The following SRRT variants were observed in gnomAD, a reference collection of about 807,000 sequenced individuals.
SRRT encodes the protein serrate, RNA effector molecule, also known as serrate RNA effector molecule homolog.
In SRRT, 32 loss-of-function variants were observed where a neutral mutation model predicts 103.2. That is an observed-to-expected ratio of 0.31 (90% CI 0.23 to 0.42). The LOEUF (loss-of-function observed/expected upper bound fraction) is 0.42. Among genes scored for constraint, SRRT ranks in the 10% least tolerant of loss-of-function variants. The pLI, the probability that SRRT is intolerant of heterozygous loss-of-function variation, is 1.00. For synonymous variants in SRRT, 525 were observed against 449.0 expected (o/e 1.17, Z -2.14); for missense variants, 986 against 1,207.5 (o/e 0.82, Z 2.72).
chr7:100,884,868 G>A (rs746652112), intron 8 of SRRT, 30 bp downstream of exon 8: 1 of 1,613,722 alleles, frequency 6.2e-7, no homozygotes. Context: ...GGGTCAGAGT[G>A]TTGGGGCTGG....
rs1563021252 is a variant in SRRT at position 100,885,231 on chromosome 7, AGGAGAAGCCCAAGGAAGAAGAATG to A, written c.1194_1217del (p.Glu398_Lys405del). On this transcript the variant is annotated inframe_deletion, in exon 10 of 20. Coordinates refer to ENST00000611405, the MANE Select transcript of SRRT (RefSeq NM_015908.6). This position sits in a 1 kb window ranked among gnomAD's most constrained non-coding sequence, Gnocchi z 4.8. ...TGCCTAGAAGAAGCGCTCAAGGAGA[AGGAGAAGCCCAAGGAAGAAGAATG>A]GGAGAAGCCCAAGGACGCCGCGGGG... The A allele has an allele frequency of 1.4e-5, 22 of 1,613,906 alleles. No homozygotes were observed. The highest frequency in any genetic ancestry group is 1.7e-5 in the Non-Finnish European group (20 of 1,179,982).
chr7:100,875,520 C>G, intron 1 of SRRT, 53 bp from the exon 2 acceptor site: 2 of 1,601,582 alleles, frequency 1.2e-6, no homozygotes, highest in Non-Finnish European at 1.7e-6. Flanking sequence ...GGGACGGTCC[C>G]TTCCTCCGCT....
chr7:100,875,354 G>T lies in SRRT; in HGVS notation c.-19+26G>T, dbSNP rs535340918. The stretch of plus-strand genomic sequence containing the variant: ...GTGGGGGAGGGGAGGAGCCTGGGGG[G>T]CCCCGCTGGGGCGGGAGAGGAACCG... On this transcript the variant is annotated intron_variant, in intron 1 of 19. Coordinates refer to ENST00000611405, the MANE Select transcript of SRRT (RefSeq NM_015908.6). 3.3e-4 allele frequency: 424 copies of T among 1,279,636 alleles called. 3 individuals are homozygous for T. The African/African-American group carries it at 6.1e-3, about 18-fold the overall frequency. The allele number at this position is 1,279,636 out of a possible 1,614,324, so 79.3% of individuals were successfully genotyped here.
Position 100,885,979 on chromosome 7 carries a change from G to A in SRRT, c.1458+38G>A, listed in dbSNP as rs954056235. The stretch of plus-strand genomic sequence containing the variant: ...GGTGGGACTGTGGGGAAGAGGAAGG[G>A]AGACTCTGTGCCACACGGGACCTCT... On this transcript the variant is annotated intron_variant, in intron 12 of 19. Coordinates refer to ENST00000611405, the MANE Select transcript of SRRT (RefSeq NM_015908.6). This position sits in a 1 kb window ranked among gnomAD's most constrained non-coding sequence, Gnocchi z 4.8. The A allele has an allele frequency of 1.6e-5, 25 of 1,602,852 alleles. No individual in the cohort carries two copies. Among genetic ancestry groups the A allele is most frequent in the Non-Finnish European group, 2.1e-5 (24 of 1,170,690 alleles).
chr7:100,885,795 C>T lies in SRRT; in HGVS notation c.1379+33C>T, dbSNP rs1343653179. 8.1e-6 allele frequency: 13 copies of T among 1,613,400 alleles called. No homozygotes were observed. Among genetic ancestry groups the T allele is most frequent in the Non-Finnish European group, 1.1e-5 (13 of 1,179,464 alleles). On this transcript the variant is annotated intron_variant, in intron 11 of 19. Transcript: ENST00000611405. This position sits in a 1 kb window ranked among gnomAD's most constrained non-coding sequence, Gnocchi z 4.8. ...ACTCGGTGCGTTGGAGGGAAAAGTGCAGGGGAACGTTAATGGCCAACACCA... is the reference window on the plus strand; with the variant it reads ...ACTCGGTGCGTTGGAGGGAAAAGTGTAGGGGAACGTTAATGGCCAACACCA...
rs1171751133 is a variant in SRRT, at chr7:100,888,483, T to A, written c.2565T>A (p.Arg855=). 1 of 1,614,128 alleles carries A rather than the reference T, an allele frequency of 6.2e-7. No individual in the cohort carries two copies. The highest frequency in any genetic ancestry group is 8.5e-7 in the Non-Finnish European group (1 of 1,179,996). ...ACCTCTCACCTCACAGGATGGTTCG[T>A]GGAGACCCAAGGGCCATTGTGGAAT... ...YPGKPRNRMV[R]GDPRAIVEYR... is the part of the protein sequence containing the mutation. The change falls in exon 20 of 20, where the codon CGT becomes CGA. Residue 855 remains arginine, a synonymous_variant. Transcript: ENST00000611405.
In SRRT at chr7:100,885,760, G is replaced by A; in HGVS notation, c.1377G>A (p.Arg459=). The change falls in exon 11 of 20, where the codon AGG becomes AGA. Residue 459 remains arginine (R), a splice_region_variant and synonymous_variant. Coordinates refer to ENST00000611405, the MANE Select transcript of SRRT (RefSeq NM_015908.6). The surrounding 1 kb of genome is among the most constrained non-coding windows in gnomAD (Gnocchi z 4.8). The part of the protein sequence containing the change: ...RVALSEPQPE[R]RFFRRGWVTF... ...CGCTCTCAGAGCCCCAGCCAGAGAG[G>A]AGGTGAGTAACTCGGTGCGTTGGAG... 1 of 1,614,198 alleles carries A rather than the reference G, an allele frequency of 6.2e-7. No individual in the cohort carries two copies. The highest frequency in any genetic ancestry group is 1.1e-5 in the South Asian group (1 of 91,082).
chr7:100,887,473 A>G lies in SRRT; in HGVS notation c.2129A>G (p.Lys710Arg). 1 of 1,614,188 alleles carries G rather than the reference A, an allele frequency of 6.2e-7. No homozygotes were observed. ...ACCTCCAACACGCAGGAACTGGGCA[A>G]GGATAAGTGGCTGTGTCCTCTCAGT... ...FVTSNTQELG[K>R]DKWLCPLSGK... The change falls in exon 16 of 20, where the codon AAG becomes AGG. Residue 710 changes from lysine (K) to arginine (R), a missense_variant. Transcript: ENST00000611405. This position sits in a 1 kb window ranked among gnomAD's most constrained non-coding sequence, Gnocchi z 4.1.
intron 5 of SRRT, among the ~76,000 whole-genome samples, 188 bp from the exon 6 acceptor site, chr7:100,883,882 A>G (rs927422200): frequency 6.6e-6 from 1 of 152,058 alleles, no homozygotes; most frequent in Non-Finnish European, 1.5e-5. Flanking sequence ...ACAGAACACA[A>G]CTTCTGGTTC....
At chr7:100,877,450 C>T (rs1815853678) in intron 2 of SRRT, among the ~76,000 whole-genome samples, 2 of 148,950 alleles carry the variant, frequency 1.3e-5, no homozygotes, top group African/African-American at 4.9e-5. Flanking sequence ...AAGCCACTTC[C>T]ATCAATGATT....
chr7:100,885,619 G>A lies in SRRT; in HGVS notation c.1318-82G>A, dbSNP rs1790017918. The A allele has an allele frequency of 7.0e-7, 1 of 1,430,600 alleles. No individual in the cohort carries two copies. Among genetic ancestry groups the A allele is most frequent in the Admixed American group, 2.0e-5 (1 of 50,940 alleles). The allele number at this position is 1,430,600 out of a possible 1,614,324, so 88.6% of individuals were successfully genotyped here. ...GAGTGATAAGGCAGTTAGTCCCTAG[G>A]GTTCTGAGGGCAGTGGGGGATTGGA... is the stretch of plus-strand genomic sequence containing the variant. On this transcript the variant is annotated intron_variant, in intron 10 of 19. Transcript: ENST00000611405. This position sits in a 1 kb window ranked among gnomAD's most constrained non-coding sequence, Gnocchi z 4.8.
chr7:100,888,486 A>C lies in SRRT; in HGVS notation c.2568A>C (p.Gly856=), dbSNP rs1464508327. The stretch of plus-strand genomic sequence containing the variant: ...TCTCACCTCACAGGATGGTTCGTGG[A>C]GACCCAAGGGCCATTGTGGAATATC... The part of the protein sequence containing the change: ...PGKPRNRMVR[G]DPRAIVEYRD... The change falls in exon 20 of 20, where the codon GGA becomes GGC. Residue 856 remains glycine (G), a synonymous_variant. Transcript: ENST00000611405. 1 of 1,614,164 alleles carries C rather than the reference A, an allele frequency of 6.2e-7. No individual in the cohort carries two copies. Among genetic ancestry groups the C allele is most frequent in the Admixed American group, 1.7e-5 (1 of 60,028 alleles).
intron 2 of SRRT, among the ~76,000 whole-genome samples, chr7:100,878,876 T>TTCCTTC (rs1415511930): frequency 6.6e-6 from 1 of 151,792 alleles, no homozygotes; most frequent in Non-Finnish European, 1.5e-5. Context: ...TAACCTACTT[T>TTCCTTC]CTTCCTTCCT....
chr7:100,884,595 G>T, intron 7 of SRRT, 43 bp downstream of exon 7: 1 of 1,410,720 alleles, frequency 7.1e-7, no homozygotes, highest in South Asian at 1.2e-5. Flanking sequence ...GGCAGCCTGG[G>T]GGAGGGGGGC....
At chr7:100,883,753 G>T (rs1251500120) in intron 5 of SRRT, among the ~76,000 whole-genome samples, 1 of 152,126 alleles carries the variant, frequency 6.6e-6, no homozygotes, top group Non-Finnish European at 1.5e-5. Context: ...TTTTTACTAC[G>T]TTAGTGTTTC....
intron 3 of SRRT, 23 bp downstream of exon 3, chr7:100,881,436 T>A: frequency 6.2e-7 from 1 of 1,605,168 alleles, no homozygotes; most frequent in Non-Finnish European, 8.5e-7. Flanking sequence ...GGTTTCCCTC[T>A]CCTCCCCTTT....
At chr7:100,875,784 C>G (rs1815626761) in intron 2 of SRRT, 72 bp downstream of exon 2, 2 of 1,580,360 alleles carry the variant, frequency 1.3e-6, no homozygotes, top group Non-Finnish European at 1.7e-6. Flanking sequence ...TTTTCTTTCT[C>G]CCCCTTGTAA....
rs1290506773 is a variant in SRRT, at chr7:100,882,050, C to T, written c.399-3C>T. On this transcript the variant is annotated splice_region_variant and splice_polypyrimidine_tract_variant and intron_variant, in intron 4 of 19. Coordinates refer to ENST00000611405, the MANE Select transcript of SRRT (RefSeq NM_015908.6). The surrounding 1 kb of genome is among the most constrained non-coding windows in gnomAD (Gnocchi z 4.2). ...AAGCCTTCCTGACCGGGGTCCCCTCCAGGCTGGGCAGCATTGCAGAGATTG... is the reference window on the plus strand; with the variant it reads ...AAGCCTTCCTGACCGGGGTCCCCTCTAGGCTGGGCAGCATTGCAGAGATTG... 6.2e-7 allele frequency: 1 copy of T among 1,611,728 alleles called. No individual in the cohort carries two copies. Among genetic ancestry groups the T allele is most frequent in the East Asian group, 2.2e-5 (1 of 44,888 alleles).
chr7:100,887,551 G>T lies in SRRT; in HGVS notation c.2169+38G>T. 1 of 1,604,992 alleles carries T rather than the reference G, an allele frequency of 6.2e-7. No individual in the cohort carries two copies. The highest frequency in any genetic ancestry group is 8.5e-7 in the Non-Finnish European group (1 of 1,174,260). On this transcript the variant is annotated intron_variant, in intron 16 of 19. Transcript: ENST00000611405. This position sits in a 1 kb window ranked among gnomAD's most constrained non-coding sequence, Gnocchi z 4.1. ...GGAGAATGGCCGTGCTACGGTGGTG[G>T]GAGGTGGGGTTGAGACAGGAAGCCC... is the stretch of plus-strand genomic sequence containing the variant.
Sources: allele counts gnomAD v4.1 joint callset (sites outside exome capture counted in the v4.1 genomes callset), GRCh38; gene constraint gnomAD v4.1.1; non-coding constraint Gnocchi (gnomAD v3.1); transcripts MANE v1.5; gene names NCBI Gene and HGNC (gene_info 2026-07-23, HGNC 2026-07-21).